RAI1: variants seen among roughly 807,000 people sequenced by gnomAD.
The protein encoded by RAI1 is retinoic acid-induced protein 1.
In RAI1, 9 loss-of-function variants were observed where a neutral mutation model predicts 123.8. The observed-to-expected ratio is 0.07, with a 90% CI of 0.04 to 0.13. The LOEUF (loss-of-function observed/expected upper bound fraction) is 0.13, where lower values mean the gene tolerates loss of function less well. Among genes scored for constraint, RAI1 ranks in the 10% least tolerant of loss-of-function variants. The probability of loss-of-function intolerance (pLI) is 1.00; values close to 1 mark genes in which losing one functional copy is unlikely to be tolerated. For missense variants in RAI1, 2,256 were observed against 2,545.8 expected (o/e 0.89, Z 2.45); for synonymous variants, 1,231 against 1,127.3 (o/e 1.09, Z -1.84).
chr17:17,804,634 T>C (rs1714597703), intron 4 of RAI1, among the ~76,000 whole-genome samples: 1 of 151,498 alleles, frequency 6.6e-6, no homozygotes, highest in Non-Finnish European at 1.5e-5. Context: ...TGGCCTGGAT[T>C]CAAACCCTAG....
Position 17,796,482 on chromosome 17 carries a change from C to T in RAI1, c.3534C>T (p.Leu1178=), listed in dbSNP as rs776913256. ...LPNCRATKKL[L]DNSHLPATFK... is the part of the protein sequence containing the mutation. Reference sequence around the variant, plus strand: ...ACTGCCGTGCCACCAAGAAGCTCCTCGACAACAGCCACTTGCCCGCCACAT... The same window carrying T: ...ACTGCCGTGCCACCAAGAAGCTCCTTGACAACAGCCACTTGCCCGCCACAT... Residue 1178 remains leucine (L), a synonymous_variant, in exon 3 of 6, where the codon CTC becomes CTT. Coordinates refer to ENST00000353383, the MANE Select transcript of RAI1 (RefSeq NM_030665.4). The surrounding 1 kb of genome is among the most constrained non-coding windows in gnomAD (Gnocchi z 5.8). The T allele has an allele frequency of 3.0e-5, 49 of 1,611,178 alleles. No homozygotes were observed. The highest frequency in any genetic ancestry group is 2.8e-4 in the Admixed American group (17 of 59,960).
intron 2 of RAI1, among the ~76,000 whole-genome samples, chr17:17,769,460 G>C (rs1348795863): frequency 6.6e-6 from 1 of 152,234 alleles, no homozygotes; most frequent in Admixed American, 6.5e-5. Context: ...GCAGCATGCT[G>C]AGGTCAGGGC....
intron 1 of RAI1, among the ~76,000 whole-genome samples, chr17:17,709,881 C>G (rs550675713): frequency 6.6e-5 from 10 of 152,326 alleles, no homozygotes; most frequent in Admixed American, 6.5e-4. Context: ...GTTCCAAGAG[C>G]TGGTGCTTCA....
intron 2 of RAI1, among the ~76,000 whole-genome samples, chr17:17,785,469 C>T (rs939065894): frequency 6.6e-6 from 1 of 152,198 alleles, no homozygotes; most frequent in African/African-American, 2.4e-5. Flanking sequence ...CCTCAGGCTA[C>T]GTTCTAGTGA....
chr17:17,730,232 A>C (rs1916223149), intron 2 of RAI1, among the ~76,000 whole-genome samples: 1 of 152,216 alleles, frequency 6.6e-6, no homozygotes, highest in African/African-American at 2.4e-5. Flanking sequence ...TGCCCTTCCC[A>C]GGGCCTGAAA....
chr17:17,724,832 G>A (rs1395349186), intron 2 of RAI1, among the ~76,000 whole-genome samples: 2 of 152,078 alleles, frequency 1.3e-5, no homozygotes, highest in Non-Finnish European at 2.9e-5. Flanking sequence ...CTTCCTCGGC[G>A]GCTTCCGGAT....
intron 2 of RAI1, among the ~76,000 whole-genome samples, chr17:17,768,123 G>A (rs1399810438): frequency 6.6e-6 from 1 of 152,184 alleles, no homozygotes; most frequent in Non-Finnish European, 1.5e-5. Context: ...GGTGTAATAT[G>A]AGGATTAAAT....
At chr17:17,754,140 G>A (rs1394012668) in intron 2 of RAI1, among the ~76,000 whole-genome samples, 1 of 150,828 alleles carries the variant, frequency 6.6e-6, no homozygotes, top group African/African-American at 2.5e-5. Context: ...GGCACCTGGG[G>A]TGTCTTCCTG....
intron 1 of RAI1, among the ~76,000 whole-genome samples, chr17:17,718,202 T>A (rs1378797484): frequency 1.3e-5 from 2 of 151,688 alleles, no homozygotes; most frequent in African/African-American, 4.8e-5. Flanking sequence ...AGCCAGAACC[T>A]GCATGGGTCG....
At position 17,800,102 on chromosome 17, in the gene RAI1, A is replaced by AT. The variant is rs2032401536; in HGVS notation, c.5565+1590dup. ...GCCGCGGGCCTTGCTTACCCAGCAG[A>AT]TGGTGGCCTTGGGCCTCTTCCCTCT... On this transcript the variant is annotated intron_variant, in intron 3 of 5. Coordinates refer to ENST00000353383, the MANE Select transcript of RAI1 (RefSeq NM_030665.4). This position sits in a 1 kb window ranked among gnomAD's most constrained non-coding sequence, Gnocchi z 4.7. Among the ~76,000 whole-genome samples the AT allele has an allele frequency of 2.0e-5, 3 of 151,830 alleles. No individual in the cohort carries two copies. In the South Asian group the frequency reaches 6.3e-4, roughly 32 times the overall value.
intron 4 of RAI1, among the ~76,000 whole-genome samples, chr17:17,805,874 A>G (rs777869894): frequency 1.3e-5 from 2 of 151,918 alleles, no homozygotes; most frequent in East Asian, 2.0e-4. Context: ...ACAGTGATTA[A>G]CTTAGCGCCC....
At chr17:17,694,798 C>T (rs1344996452) in intron 1 of RAI1, among the ~76,000 whole-genome samples, 2 of 150,392 alleles carry the variant, frequency 1.3e-5, no homozygotes, top group South Asian at 4.1e-4. Flanking sequence ...CATGGCAGCG[C>T]CCGGCCCGGC....
At chr17:17,706,040 A>AG (rs1173446084) in intron 1 of RAI1, among the ~76,000 whole-genome samples, 1 of 151,178 alleles carries the variant, frequency 6.6e-6, no homozygotes, top group East Asian at 1.9e-4. Context: ...AAAAAAAAAA[A>AG]AAAAAAAGGC....
rs1351491220 is a variant in RAI1 at position 17,714,978 on chromosome 17, C to A, written c.-148-9050C>A. Among the ~76,000 whole-genome samples, 1 of 152,226 alleles carries A rather than the reference C, an allele frequency of 6.6e-6. No homozygotes were observed. Among genetic ancestry groups the A allele is most frequent in the East Asian group, 1.9e-4 (1 of 5,200 alleles). On this transcript the variant is annotated intron_variant, in intron 1 of 5. Coordinates refer to ENST00000353383, the MANE Select transcript of RAI1 (RefSeq NM_030665.4). The surrounding 1 kb of genome is among the most constrained non-coding windows in gnomAD (Gnocchi z 4.9). ...TTTAGAATGCTGCTTCCCATCCCACCCACATCACCCTCTGTTAGGTAAGCA... is the reference window on the plus strand; with the variant it reads ...TTTAGAATGCTGCTTCCCATCCCACACACATCACCCTCTGTTAGGTAAGCA...
intron 2 of RAI1, chr17:17,777,794 G>A (rs935388608): frequency 6.6e-6 from 1 of 152,292 alleles, no homozygotes; most frequent in South Asian, 2.1e-4. Context: ...GTGATTGCAA[G>A]TTCAGCAGCA....
intron 2 of RAI1, among the ~76,000 whole-genome samples, chr17:17,760,302 G>C (rs936267687): frequency 1.3e-5 from 2 of 152,144 alleles, no homozygotes; most frequent in Non-Finnish European, 2.9e-5. Flanking sequence ...TGATTTATGG[G>C]AGGGAGCAGT....
Position 17,794,489 on chromosome 17 carries a change from A to C in RAI1, c.1541A>C (p.Glu514Ala), listed in dbSNP as rs1386459275. Reference sequence around the variant, plus strand: ...CAGTCCACGCATGCGGAGCCGCAGGAGGCCGACTACCTGAGCGGCTCCGAG... The same window carrying C: ...CAGTCCACGCATGCGGAGCCGCAGGCGGCCGACTACCTGAGCGGCTCCGAG... ...TPQSTHAEPQ[E>A]ADYLSGSEDP... The change falls in exon 3 of 6, where the codon GAG becomes GCG. Residue 514 changes from glutamate (E) to alanine (A), a missense_variant. Coordinates refer to ENST00000353383, the MANE Select transcript of RAI1 (RefSeq NM_030665.4). 1 of 1,612,016 alleles carries C rather than the reference A, an allele frequency of 6.2e-7. No individual in the cohort carries two copies. The highest frequency in any genetic ancestry group is 8.5e-7 in the Non-Finnish European group (1 of 1,179,458).
intron 2 of RAI1, among the ~76,000 whole-genome samples, chr17:17,725,542 G>GA (rs952846964): frequency 6.6e-6 from 1 of 152,128 alleles, no homozygotes; most frequent in African/African-American, 2.4e-5. Flanking sequence ...TCCAAGGGGG[G>GA]ACCACCGGGT....
intron 4 of RAI1, among the ~76,000 whole-genome samples, chr17:17,806,054 C>G (rs185132517): frequency 2.0e-4 from 30 of 152,266 alleles, no homozygotes; most frequent in African/African-American, 7.0e-4. Context: ...GCCCAGCCCC[C>G]CAAGGGGCTC....
Sources: allele counts gnomAD v4.1 joint callset (sites outside exome capture counted in the v4.1 genomes callset), GRCh38; gene constraint gnomAD v4.1.1; non-coding constraint Gnocchi (gnomAD v3.1); transcripts MANE v1.5; gene names NCBI Gene and HGNC (gene_info 2026-07-23, HGNC 2026-07-21).